The following ALMS1 variants were observed in gnomAD, a reference collection of about 807,000 sequenced individuals.
ALMS1 encodes the protein centrosome-associated protein ALMS1.
In ALMS1, 271 loss-of-function variants were observed where a neutral mutation model predicts 352.2. That is an observed-to-expected ratio of 0.77 (90% CI 0.70 to 0.85). The LOEUF is 0.85. Among genes scored for constraint, ALMS1 ranks in the 40% least tolerant of loss-of-function variants. The probability of loss-of-function intolerance (pLI) is 0.00; values close to 1 mark genes in which losing one functional copy is unlikely to be tolerated. For synonymous variants in ALMS1, 1,865 were observed against 1,761.2 expected (o/e 1.06, Z -1.48); for missense variants, 5,445 against 4,870.7 (o/e 1.12, Z -3.51).
At chr2:73,549,651 C>T (rs539707003) in intron 12 of ALMS1, among the ~76,000 whole-genome samples, 2 of 152,250 alleles carry the variant, frequency 1.3e-5, no homozygotes, top group South Asian at 2.1e-4. Flanking sequence ...AGATACAATC[C>T]ATTTTCTCCT....
At chr2:73,487,760 G>A (rs990994206) in intron 9 of ALMS1, among the ~76,000 whole-genome samples, 2 of 152,176 alleles carry the variant, frequency 1.3e-5, no homozygotes, top group Admixed American at 6.5e-5. Flanking sequence ...ACAGTTTTCA[G>A]GAGACCCAAA....
At chr2:73,482,194 G>T (rs887486370) in intron 9 of ALMS1, among the ~76,000 whole-genome samples, 14 of 152,210 alleles carry the variant, frequency 9.2e-5, no homozygotes, top group Non-Finnish European at 1.8e-4. Context: ...TGGGCATTCA[G>T]TATGATATTG....
intron 1 of ALMS1, among the ~76,000 whole-genome samples, chr2:73,388,140 A>C (rs557638158): frequency 1.3e-5 from 2 of 152,230 alleles, no homozygotes; most frequent in Non-Finnish European, 2.9e-5. Context: ...AGTCATTTAC[A>C]TAGAGACCAT....
chr2:73,501,278 T>C (rs1337721953), intron 10 of ALMS1, among the ~76,000 whole-genome samples: 1 of 152,150 alleles, frequency 6.6e-6, no homozygotes, highest in African/African-American at 2.4e-5. Context: ...TTTTGTTTTC[T>C]TAATGGTGTC....
At chr2:73,599,282 C>A in intron 16 of ALMS1, 119 bp from the exon 17 acceptor site, 1 of 1,335,120 alleles carries the variant, frequency 7.5e-7, no homozygotes, top group Non-Finnish European at 1.1e-6. Flanking sequence ...AAGCTTCCTC[C>A]AAATGCATCT....
intron 1 of ALMS1, among the ~76,000 whole-genome samples, chr2:73,387,689 G>A (rs1395687979): frequency 6.6e-6 from 1 of 152,172 alleles, no homozygotes; most frequent in African/African-American, 2.4e-5. Context: ...TATTTGAAAC[G>A]AGGGGATGTA....
intron 15 of ALMS1, among the ~76,000 whole-genome samples, chr2:73,560,936 G>A (rs367573234): frequency 7.2e-5 from 11 of 152,320 alleles, no homozygotes; most frequent in Admixed American, 2.0e-4. Context: ...GCAGACTCAC[G>A]TCCAAAGGCT....
At chr2:73,594,708 T>C (rs1209223920) in intron 16 of ALMS1, among the ~76,000 whole-genome samples, 1 of 152,214 alleles carries the variant, frequency 6.6e-6, no homozygotes, top group Non-Finnish European at 1.5e-5. Context: ...AATACCTGGC[T>C]CTGCTCCCAG....
At chr2:73,583,505 G>A (rs1395611898) in intron 16 of ALMS1, among the ~76,000 whole-genome samples, 1 of 152,022 alleles carries the variant, frequency 6.6e-6, no homozygotes, top group Non-Finnish European at 1.5e-5. Context: ...GTTTAGTGTG[G>A]TCCTGTTTGT....
chr2:73,544,984 C>A (rs961783748), intron 12 of ALMS1, among the ~76,000 whole-genome samples: 5 of 152,004 alleles, frequency 3.3e-5, no homozygotes, highest in African/African-American at 1.2e-4. Context: ...AAGTCAGATT[C>A]ATGGAGACAC....
At chr2:73,470,040 T>A (rs1672436175) in intron 9 of ALMS1, 2 of 151,892 alleles carry the variant, frequency 1.3e-5, no homozygotes, top group Non-Finnish European at 2.9e-5. Flanking sequence ...ATCTTTTGCA[T>A]CAGTGTGATG....
chr2:73,461,950 C>T (rs1320884811), intron 9 of ALMS1, among the ~76,000 whole-genome samples: 1 of 151,922 alleles, frequency 6.6e-6, no homozygotes, highest in Non-Finnish European at 1.5e-5. Flanking sequence ...AAATATGGGA[C>T]TATGTGAAAA....
At chr2:73,468,237 A>G (rs1672397590) in intron 9 of ALMS1, among the ~76,000 whole-genome samples, 1 of 152,010 alleles carries the variant, frequency 6.6e-6, no homozygotes, top group African/African-American at 2.4e-5. Context: ...TTATTGGAGA[A>G]TAGTAAAATT....
chr2:73,561,585 C>CA (rs1175316789), intron 15 of ALMS1, among the ~76,000 whole-genome samples: 1 of 151,910 alleles, frequency 6.6e-6, no homozygotes, highest in East Asian at 1.9e-4. Context: ...AGAGGGTGGA[C>CA]AGAGAATTAG....
intron 2 of ALMS1, 105 bp downstream of exon 2, chr2:73,408,852 A>ATTTTT: frequency 2.7e-6 from 1 of 367,484 alleles, no homozygotes; most frequent in Non-Finnish European, 4.7e-6. Context: ...CATTAATATT[A>ATTTTT]TGTTTTCTTG....
chr2:73,399,098 T>A lies in ALMS1; in HGVS notation c.325-9524T>A, dbSNP rs141651220. 7.0e-4 allele frequency among the ~76,000 whole-genome samples: 107 copies of A among 152,176 alleles called. No homozygotes were observed. In the East Asian group the frequency reaches 0.02, roughly 28 times the overall value. The stretch of plus-strand genomic sequence containing the variant: ...AAACTCCTGACCTTGTGATCTGCCC[T>A]TCTCAGCCTCCCAAAGTGCTGGGAT... On this transcript the variant is annotated intron_variant, in intron 1 of 22. Transcript: ENST00000613296.
chr2:73,599,612 A>T (rs1336460600), intron 17 of ALMS1, 91 bp downstream of exon 17: 2 of 1,452,942 alleles, frequency 1.4e-6, no homozygotes, highest in Non-Finnish European at 1.9e-6. Flanking sequence ...AATAAAGGAC[A>T]TGAAGATAAA....
intron 16 of ALMS1, among the ~76,000 whole-genome samples, chr2:73,579,129 A>G (rs1349606394): frequency 7.1e-6 from 1 of 140,756 alleles, no homozygotes; most frequent in African/African-American, 2.8e-5. Context: ...GCACAATCTA[A>G]GCTCACTGCA....
chr2:73,508,017 C>T (rs1176753614), intron 10 of ALMS1, among the ~76,000 whole-genome samples: 2 of 151,958 alleles, frequency 1.3e-5, no homozygotes, highest in Non-Finnish European at 2.9e-5. Flanking sequence ...TTTCTTGCTG[C>T]CTTGATTTCG....
Sources: gnomAD v4.1 joint callset for allele counts (sites outside exome capture counted in the v4.1 genomes callset) on GRCh38, gnomAD v4.1.1 for gene constraint, MANE v1.5 for transcripts, NCBI Gene and HGNC (gene_info 2026-07-23, HGNC 2026-07-21) for gene names.